Variants in ANKRD28 observed in about 807,000 individuals in gnomAD.
ANKRD28 encodes ankyrin repeat domain 28.
Under a neutral mutation model 126.5 loss-of-function variants are expected in ANKRD28, and 44 were observed. The ratio of observed to expected loss-of-function variants is 0.35; its 90% CI spans 0.27 to 0.45. The LOEUF is 0.45. ANKRD28 is among the 20% of genes least tolerant of loss of function. The pLI is 1.00. For synonymous variants in ANKRD28, 442 were observed against 468.5 expected (o/e 0.94, Z 0.73); for missense variants, 1,110 against 1,316.6 (o/e 0.84, Z 2.43).
At chr3:15,721,695 A>C (rs955488063) in intron 7 of ANKRD28, among the ~76,000 whole-genome samples, 1 of 152,208 alleles carries the variant, frequency 6.6e-6, no homozygotes, top group Non-Finnish European at 1.5e-5. Flanking sequence ...TTTTATCACA[A>C]GTAAAAAGAG....
intron 1 of ANKRD28, among the ~76,000 whole-genome samples, chr3:15,818,215 T>C (rs2060872894): frequency 6.6e-6 from 1 of 152,132 alleles, no homozygotes; most frequent in South Asian, 2.1e-4. Context: ...CTGAACCCTA[T>C]ATATACTATG....
In ANKRD28 at chr3:15,695,191, A is replaced by G; in HGVS notation, c.1683T>C (p.Asp561=). 1 of 1,595,550 alleles carries G rather than the reference A, an allele frequency of 6.3e-7. No individual in the cohort carries two copies. The highest frequency in any genetic ancestry group is 8.6e-7 in the Non-Finnish European group (1 of 1,168,480). The change falls in exon 16 of 28, where the codon GAT becomes GAC. Residue 561 remains aspartate (D), a synonymous_variant. Transcript: ENST00000683139. ...LQLIASETPL[D]VLMETSGTDM... ...GAGGGAATTGACTAATACTTACAAC[A>G]TCTAGAGGAGTTTCACTTGCAATCT...
intron 13 of ANKRD28, 113 bp downstream of exon 13, chr3:15,709,555 T>A: frequency 1.6e-6 from 1 of 635,210 alleles, no homozygotes; most frequent in South Asian, 2.4e-5. Flanking sequence ...CAATGAATCA[T>A]GATCAGTGTA....
At chr3:15,691,636 A>T (rs546441866) in intron 17 of ANKRD28, among the ~76,000 whole-genome samples, 2 of 152,344 alleles carry the variant, frequency 1.3e-5, no homozygotes, top group South Asian at 4.1e-4. Context: ...GGCCTCACTG[A>T]TCTCTTTATA....
chr3:15,806,416 T>G (rs1575741791), intron 1 of ANKRD28, among the ~76,000 whole-genome samples: 2 of 152,336 alleles, frequency 1.3e-5, no homozygotes, highest in Admixed American at 6.5e-5. Flanking sequence ...GTAAGACTAC[T>G]TATAAAACTT....
intron 18 of ANKRD28, among the ~76,000 whole-genome samples, chr3:15,688,442 C>T (rs1427406271): frequency 6.6e-6 from 1 of 152,180 alleles, no homozygotes; most frequent in Non-Finnish European, 1.5e-5. Context: ...TGATATATAA[C>T]TTCACTCTTT....
chr3:15,729,130 C>T (rs1290563665), intron 6 of ANKRD28, among the ~76,000 whole-genome samples: 1 of 152,166 alleles, frequency 6.6e-6, no homozygotes, highest in African/African-American at 2.4e-5. Context: ...AAAACTAGTC[C>T]TAGGCCCCAC....
rs77897375 is a variant in ANKRD28 at position 15,770,119 on chromosome 3, T to A, written c.202-3807A>T. The stretch of plus-strand genomic sequence containing the variant: ...ATGTTAGTGGAGAACACTTGCCATA[T>A]AGGTTGTAGAAGACTTCCATATTGA... On this transcript the variant is annotated intron_variant, in intron 2 of 27. Transcript: ENST00000683139. 4.3e-3 allele frequency among the ~76,000 whole-genome samples: 647 copies of A among 152,042 alleles called. 5 individuals carry two copies. Among genetic ancestry groups the A allele is most frequent in the East Asian group, 0.02 (101 of 5,178 alleles).
At chr3:15,850,224 T>TATATATATATAGAG (rs1418223588) in intron 1 of ANKRD28, among the ~76,000 whole-genome samples, 129 of 35,070 alleles carry the variant, frequency 3.7e-3, no homozygotes, top group East Asian at 6.0e-3. Context: ...TATATATATA[T>TATATATATATAGAG]AGAGAGAGAG....
intron 27 of ANKRD28, among the ~76,000 whole-genome samples, chr3:15,673,737 C>T (rs540454181): frequency 2.6e-5 from 4 of 152,132 alleles, no homozygotes; most frequent in African/African-American, 7.2e-5. Flanking sequence ...ACAGAGTGTT[C>T]AGGCAGAGTA....
At chr3:15,837,661 A>T (rs12634892) in intron 1 of ANKRD28, among the ~76,000 whole-genome samples, 21 of 151,854 alleles carry the variant, frequency 1.4e-4, no homozygotes, top group African/African-American at 5.1e-4. Context: ...TTAGAGGGAA[A>T]ATTATAGCTG....
At chr3:15,683,299 A>C (rs1280992351) in intron 21 of ANKRD28, among the ~76,000 whole-genome samples, 3 of 152,198 alleles carry the variant, frequency 2.0e-5, no homozygotes, top group African/African-American at 7.2e-5. Context: ...CCACTATATT[A>C]GATATTTTGG....
At chr3:15,738,179 A>G (rs187092941) in intron 4 of ANKRD28, among the ~76,000 whole-genome samples, 263 of 152,310 alleles carry the variant, frequency 1.7e-3, no homozygotes, top group Non-Finnish European at 2.7e-3. Context: ...CCTGCCCCCA[A>G]TAATTCAAAG....
At chr3:15,763,209 C>T (rs1408577781) in intron 3 of ANKRD28, among the ~76,000 whole-genome samples, 1 of 152,174 alleles carries the variant, frequency 6.6e-6, no homozygotes, top group Non-Finnish European at 1.5e-5. Flanking sequence ...AGTCTAAGAC[C>T]CTGAGTTGCA....
chr3:15,701,723 C>T (rs568986805), intron 14 of ANKRD28, among the ~76,000 whole-genome samples: 3 of 152,250 alleles, frequency 2.0e-5, no homozygotes, highest in East Asian at 3.9e-4. Flanking sequence ...ATAAAACCCA[C>T]GTCTGGCTCT....
At position 15,843,271 on chromosome 3, in the gene ANKRD28, G is replaced by A; in HGVS notation, c.27+16106C>T. Among the ~76,000 whole-genome samples the A allele has an allele frequency of 6.6e-6, 1 of 152,160 alleles. No homozygotes were observed. Among genetic ancestry groups the A allele is most frequent in the East Asian group, 1.9e-4 (1 of 5,192 alleles). On this transcript the variant is annotated intron_variant, in intron 1 of 27. Coordinates refer to the ANKRD28 transcript ENST00000399451. The surrounding 1 kb of genome is among the most constrained non-coding windows in gnomAD (Gnocchi z 5.2). Reference sequence around the variant, plus strand: ...CTCACTATCACAGGGACATCATCAAGGGGATGGTGCTAAGCCATTCATGAG... The same window carrying A: ...CTCACTATCACAGGGACATCATCAAAGGGATGGTGCTAAGCCATTCATGAG...
At position 15,709,701 on chromosome 3, in the gene ANKRD28, C is replaced by T; in HGVS notation, c.1373G>A (p.Gly458Asp). The T allele has an allele frequency of 1.3e-6, 2 of 1,584,310 alleles. No homozygotes were observed. Among genetic ancestry groups the T allele is most frequent in the South Asian group, 2.3e-5 (2 of 86,450 alleles). ...LECLNLLLNT[G>D]ADFNKKDKFG... ...TTTGTCCTTTTTATTAAAGTCTGCACCAGTATTCAGCAGAAGGTTTAGGCA... is the reference window on the plus strand; with the variant it reads ...TTTGTCCTTTTTATTAAAGTCTGCATCAGTATTCAGCAGAAGGTTTAGGCA... Residue 458 changes from glycine (G) to aspartate (D), a missense_variant, in exon 13 of 28, where the codon GGT becomes GAT. Transcript: ENST00000683139.
intron 8 of ANKRD28, among the ~76,000 whole-genome samples, 188 bp downstream of exon 8, chr3:15,720,727 G>C (rs2073636655): frequency 1.3e-5 from 2 of 151,956 alleles, no homozygotes; most frequent in South Asian, 4.2e-4. Flanking sequence ...ATTGGTTCTA[G>C]AACCTTACAT....
chr3:15,757,829 G>T (rs994412298), intron 3 of ANKRD28, among the ~76,000 whole-genome samples: 1 of 152,170 alleles, frequency 6.6e-6, no homozygotes, highest in Non-Finnish European at 1.5e-5. Context: ...AAAGATCTAT[G>T]TTAGGGGTCT....
Sources: allele counts gnomAD v4.1 joint callset (sites outside exome capture counted in the v4.1 genomes callset), GRCh38; gene constraint gnomAD v4.1.1; non-coding constraint Gnocchi (gnomAD v3.1); transcripts MANE v1.5; gene names NCBI Gene and HGNC (gene_info 2026-07-23, HGNC 2026-07-21).